Variants in CYP2J2 observed in about 807,000 individuals in gnomAD.
CYP2J2 encodes cytochrome P450 family 2 subfamily J member 2, also known as cytochrome P450 2J2.
CYP2J2 carries 41 observed loss-of-function variants against 48.8 expected under a neutral mutation model. That is an observed-to-expected ratio of 0.84 (90% CI 0.66 to 1.09). The LOEUF is 1.09. Ranked by LOEUF, CYP2J2 falls within the 50% of genes least tolerant of loss-of-function variation. The pLI is 0.00. For synonymous variants in CYP2J2, 221 were observed against 227.1 expected (o/e 0.97, Z 0.24); for missense variants, 644 against 617.3 (o/e 1.04, Z -0.46).
chr1:59,948,218 T>C, the CYP2J2 span, among the ~76,000 whole-genome samples: 29,814 of 152,152 alleles, frequency 0.2, 3,353 homozygotes, highest in African/African-American at 0.31. Flanking sequence ...ACCTTGACTA[T>C]TCTTAAGTGG....
chr1:59,903,682 A>G (rs1234145579), intron 7 of CYP2J2, among the ~76,000 whole-genome samples: 1 of 152,240 alleles, frequency 6.6e-6, no homozygotes, highest in Non-Finnish European at 1.5e-5. Context: ...AAGTTGAAAG[A>G]AAAAGAAAGA....
At chr1:59,900,610 G>A (rs1644310666) in intron 8 of CYP2J2, among the ~76,000 whole-genome samples, 1 of 152,142 alleles carries the variant, frequency 6.6e-6, no homozygotes, top group Non-Finnish European at 1.5e-5. Flanking sequence ...TTCCAGCCTT[G>A]TGCAATAAGA....
Position 59,904,943 on chromosome 1 carries a change from G to T in CYP2J2, c.1119C>A (p.Gly373=). 1 of 1,613,806 alleles carries T rather than the reference G, an allele frequency of 6.2e-7. No individual in the cohort carries two copies. Among genetic ancestry groups the T allele is most frequent in the Non-Finnish European group, 8.5e-7 (1 of 1,179,876 alleles). The part of the protein sequence containing the change: ...NAVIHEVQRM[G]NIIPLNVPRE... ...TGGGAACGTTCAGGGGGATGATGTT[G>T]CCCATTCTCTGCACCTCATGGATGA... is the stretch of plus-strand genomic sequence containing the variant. The change falls in exon 7 of 9, where the codon GGC becomes GGA. Residue 373 remains glycine (G), a synonymous_variant. Transcript: ENST00000371204.
the CYP2J2 span, among the ~76,000 whole-genome samples, chr1:59,955,913 T>C: frequency 6.6e-6 from 1 of 152,140 alleles, no homozygotes; most frequent in African/African-American, 2.4e-5. Context: ...TGTATGTGTG[T>C]GTGTGTGCAT....
At position 59,919,894 on chromosome 1, in the gene CYP2J2, C is replaced by G. The variant is rs569076488; in HGVS notation, c.211-3794G>C. On this transcript the variant is annotated intron_variant, in intron 1 of 8. Coordinates refer to ENST00000371204, the MANE Select transcript of CYP2J2 (RefSeq NM_000775.4). The stretch of plus-strand genomic sequence containing the variant: ...GCTTTTATGAGATGCTTAAGAGTTG[C>G]CAGGCACCTTCTGGCACTGGCATAT... Among the ~76,000 whole-genome samples the G allele has an allele frequency of 1.1e-4, 16 of 152,000 alleles. No individual in the cohort carries two copies. The South Asian group carries it at 3.3e-3, about 32-fold the overall frequency.
At chr1:59,930,101 A>G (rs60158498), upstream of CYP2J2, among the ~76,000 whole-genome samples, 1,323 of 152,308 alleles carry the variant, frequency 8.7e-3, 17 homozygotes, top group African/African-American at 0.03. Flanking sequence ...ACCAAAAGGC[A>G]GTAGGATGAT....
At chr1:59,907,123 A>C (rs1644371482) in intron 6 of CYP2J2, among the ~76,000 whole-genome samples, 1 of 152,208 alleles carries the variant, frequency 6.6e-6, no homozygotes, top group South Asian at 2.1e-4. Context: ...TAAGCCTAGT[A>C]ATAAAGGCAC....
upstream of CYP2J2, among the ~76,000 whole-genome samples, chr1:59,930,841 A>G (rs1644599471): frequency 6.6e-6 from 1 of 152,206 alleles, no homozygotes; most frequent in South Asian, 2.1e-4. Flanking sequence ...CCTTAGATTG[A>G]AAGAAAATGA....
chr1:59,908,041 G>A, intron 5 of CYP2J2, 114 bp from the exon 6 acceptor site: 4 of 1,044,632 alleles, frequency 3.8e-6, no homozygotes, highest in Non-Finnish European at 5.7e-6. Context: ...GTCCCCAAAA[G>A]AAACAATTTT....
intron 8 of CYP2J2, among the ~76,000 whole-genome samples, chr1:59,896,537 A>G (rs1286964455): frequency 6.6e-6 from 1 of 151,986 alleles, no homozygotes; most frequent in African/African-American, 2.4e-5. Flanking sequence ...TATCCCTTGT[A>G]TATAACTTAC....
chr1:59,969,114 TA>T, the CYP2J2 span, among the ~76,000 whole-genome samples: 1 of 152,182 alleles, frequency 6.6e-6, no homozygotes, highest in African/African-American at 2.4e-5. Context: ...TTACAGCTCA[TA>T]AAGGCAGTGT....
chr1:59,945,711 A>G, the CYP2J2 span, among the ~76,000 whole-genome samples: 5 of 152,316 alleles, frequency 3.3e-5, no homozygotes, highest in East Asian at 9.6e-4. Context: ...ATTACGAGAA[A>G]AGTCCTGTTG....
At chr1:59,937,979 G>A in the CYP2J2 span, among the ~76,000 whole-genome samples, 166 of 151,986 alleles carry the variant, frequency 1.1e-3, no homozygotes, top group Middle Eastern at 3.4e-3. Context: ...CCTTCTCTGC[G>A]TTATCTTGAC....
rs187444719 is a variant in CYP2J2, at chr1:59,900,497, G to C, written c.1330+468C>G. ...AACATACAAAAAATTAGCCTGGCAT[G>C]GTGGTGCATGCCTGTAATCCCAGCT... On this transcript the variant is annotated intron_variant, in intron 8 of 8. Transcript: ENST00000371204. 5.9e-5 allele frequency among the ~76,000 whole-genome samples: 9 copies of C among 152,304 alleles called. No individual in the cohort carries two copies. The East Asian group carries it at 1.7e-3, about 29-fold the overall frequency.
In CYP2J2 at chr1:59,911,742, T is replaced by A. The variant is rs756152206; in HGVS notation, c.550A>T (p.Ile184Phe). 2 of 1,613,428 alleles carry A rather than the reference T, an allele frequency of 1.2e-6. No individual in the cohort carries two copies. Among genetic ancestry groups the A allele is most frequent in the Non-Finnish European group, 1.7e-6 (2 of 1,179,632 alleles). Residue 184 changes from isoleucine (I) to phenylalanine (F), a missense_variant, in exon 4 of 9, where the codon ATC (isoleucine) becomes TTC (phenylalanine). Ile to Phe is a conservative substitution (Grantham distance 21). Transcript: ENST00000371204. Reference protein sequence around the residue: ...NGQPFDPHFKINNAVSNIICS... With the variant: ...NGQPFDPHFKFNNAVSNIICS... ...ATGATATTGGAAACTGCATTGTTGA[T>A]CTTGAAATGAGGGTCAAAAGGCTGT...
the CYP2J2 span, among the ~76,000 whole-genome samples, chr1:59,937,517 C>T: frequency 6.6e-6 from 1 of 152,082 alleles, no homozygotes; most frequent in South Asian, 2.1e-4. Context: ...AACTTAAACA[C>T]AGTTAGGAAT....
intron 1 of CYP2J2, among the ~76,000 whole-genome samples, chr1:59,922,737 A>G (rs897745931): frequency 8.5e-5 from 13 of 152,250 alleles, no homozygotes; most frequent in Non-Finnish European, 1.2e-4. Context: ...ACAGACAAAA[A>G]TATCTTTAAG....
At chr1:59,917,570 A>G (rs550977015) in intron 1 of CYP2J2, among the ~76,000 whole-genome samples, 3 of 152,334 alleles carry the variant, frequency 2.0e-5, no homozygotes, top group South Asian at 4.1e-4. Context: ...CCTGAGTGAC[A>G]GAGTTTAGTG....
chr1:59,902,499 T>G (rs1027377644), intron 7 of CYP2J2, among the ~76,000 whole-genome samples: 1 of 152,052 alleles, frequency 6.6e-6, no homozygotes, highest in South Asian at 2.1e-4. Context: ...CACTGCAACC[T>G]CCATCTCCTG....
Sources: allele counts gnomAD v4.1 joint callset (sites outside exome capture counted in the v4.1 genomes callset), GRCh38; gene constraint gnomAD v4.1.1; transcripts MANE v1.5; gene names NCBI Gene and HGNC (gene_info 2026-07-23, HGNC 2026-07-21).